PDE7B: variants seen among roughly 807,000 people sequenced by gnomAD.
PDE7B encodes the protein 3',5'-cyclic-AMP phosphodiesterase 7B.
In PDE7B, 29 loss-of-function variants were observed where a neutral mutation model predicts 56.2. The observed-to-expected ratio is 0.52, with a 90% CI of 0.38 to 0.70. The LOEUF (loss-of-function observed/expected upper bound fraction) is 0.70. Ranked by LOEUF, PDE7B falls within the 30% of genes least tolerant of loss-of-function variation. The probability of loss-of-function intolerance (pLI) is 0.00; values close to 1 mark genes in which losing one functional copy is unlikely to be tolerated. For synonymous variants in PDE7B, 197 were observed against 196.9 expected (o/e 1.00, Z 0.00); for missense variants, 490 against 565.0 (o/e 0.87, Z 1.35).
chr6:135,875,842 C>T (rs1775481204), intron 1 of PDE7B, among the ~76,000 whole-genome samples: 1 of 152,042 alleles, frequency 6.6e-6, no homozygotes, highest in African/African-American at 2.4e-5. Context: ...GCCATTTGGT[C>T]TCTATTGTTG....
chr6:135,889,595 C>T (rs1179665827), intron 1 of PDE7B, among the ~76,000 whole-genome samples: 2 of 150,804 alleles, frequency 1.3e-5, no homozygotes, highest in Admixed American at 6.6e-5. Context: ...CGCCCACCAC[C>T]AGGCCCAGCT....
chr6:136,076,797 G>A (rs1037752446), intron 2 of PDE7B, among the ~76,000 whole-genome samples: 1 of 152,066 alleles, frequency 6.6e-6, no homozygotes, highest in African/African-American at 2.4e-5. Flanking sequence ...GGGAACACCT[G>A]GGGAAGGAAT....
intron 2 of PDE7B, among the ~76,000 whole-genome samples, chr6:136,062,478 T>A (rs1776861157): frequency 6.6e-6 from 1 of 152,166 alleles, no homozygotes; most frequent in South Asian, 2.1e-4. Flanking sequence ...ACAGGTGACA[T>A]AATGCATTAT....
chr6:135,938,104 A>G (rs1774452142), intron 1 of PDE7B, among the ~76,000 whole-genome samples: 1 of 152,232 alleles, frequency 6.6e-6, no homozygotes, highest in Admixed American at 6.5e-5. Flanking sequence ...CTGTTGAGGA[A>G]TAGGTTTGGG....
chr6:136,133,007 C>T (rs1291719186), intron 3 of PDE7B, among the ~76,000 whole-genome samples: 3 of 152,012 alleles, frequency 2.0e-5, no homozygotes, highest in Non-Finnish European at 4.4e-5. Context: ...GATATTTACA[C>T]TTAAAGAGTT....
intron 1 of PDE7B, among the ~76,000 whole-genome samples, chr6:135,914,990 G>T (rs1776276027): frequency 6.6e-6 from 1 of 151,706 alleles, no homozygotes. Flanking sequence ...CTACTTGGGA[G>T]GCTAAAGCAG....
At chr6:135,942,593 C>T (rs1774524834) in intron 1 of PDE7B, among the ~76,000 whole-genome samples, 1 of 151,966 alleles carries the variant, frequency 6.6e-6, no homozygotes, top group African/African-American at 2.4e-5. Context: ...TGAACTTATC[C>T]CTCCTGTGTA....
rs1456959139 is a variant in PDE7B, at chr6:136,149,222, T to G, written c.382+72T>G. 5 of 1,056,296 alleles carry G rather than the reference T, an allele frequency of 4.7e-6. No homozygotes were observed. The East Asian group carries it at 7.2e-5, about 15-fold the overall frequency. 65.4% of individuals were successfully genotyped at this position (1,056,296 alleles called of 1,614,324 possible). A position where few individuals can be genotyped will look rare whatever the true frequency, so the allele number is the denominator to read the frequency against. ...GGATTAATTTCATGAAAAACAAAAT[T>G]TATTTTTAAACACTGCTATTCCTTT... On this transcript the variant is annotated intron_variant, in intron 5 of 12. Coordinates refer to ENST00000308191, the MANE Select transcript of PDE7B (RefSeq NM_018945.4).
intron 2 of PDE7B, among the ~76,000 whole-genome samples, chr6:136,036,843 G>T (rs1373270555): frequency 2.0e-5 from 3 of 152,188 alleles, no homozygotes; most frequent in Non-Finnish European, 4.4e-5. Flanking sequence ...AGAAAACAGG[G>T]GCTATTCACT....
At chr6:136,033,663 G>A (rs1245151512) in intron 2 of PDE7B, among the ~76,000 whole-genome samples, 1 of 152,152 alleles carries the variant, frequency 6.6e-6, no homozygotes, top group Non-Finnish European at 1.5e-5. Flanking sequence ...GTGCTGCCTT[G>A]TAGGGTCGGT....
intron 8 of PDE7B, among the ~76,000 whole-genome samples, chr6:136,171,922 A>C (rs1778890010): frequency 6.6e-6 from 1 of 151,802 alleles, no homozygotes; most frequent in African/African-American, 2.4e-5. Context: ...TTTACTGAGA[A>C]TGATGATTTC....
At chr6:136,109,923 A>G (rs1195364208) in intron 3 of PDE7B, among the ~76,000 whole-genome samples, 1 of 152,226 alleles carries the variant, frequency 6.6e-6, no homozygotes, top group Non-Finnish European at 1.5e-5. Flanking sequence ...TTATACCCAA[A>G]GAATATTACT....
At chr6:135,915,260 T>C (rs1488697986) in intron 1 of PDE7B, among the ~76,000 whole-genome samples, 1 of 152,220 alleles carries the variant, frequency 6.6e-6, no homozygotes, top group Admixed American at 6.5e-5. Flanking sequence ...CACGTAGGTC[T>C]TCGTGTGGAT....
At chr6:136,183,470 C>A (rs1164084044) in intron 11 of PDE7B, among the ~76,000 whole-genome samples, 1 of 151,402 alleles carries the variant, frequency 6.6e-6, no homozygotes, top group Non-Finnish European at 1.5e-5. Flanking sequence ...GTGGCGGGCA[C>A]CTGTAGTCCC....
At chr6:135,950,769 A>T (rs1371009129) in intron 2 of PDE7B, among the ~76,000 whole-genome samples, 1 of 152,150 alleles carries the variant, frequency 6.6e-6, no homozygotes, top group Non-Finnish European at 1.5e-5. Context: ...TCCATTGGCG[A>T]GTCCCCATAT....
At chr6:136,125,681 A>AC (rs1159188803) in intron 3 of PDE7B, among the ~76,000 whole-genome samples, 2 of 152,106 alleles carry the variant, frequency 1.3e-5, no homozygotes, top group Admixed American at 6.6e-5. Flanking sequence ...TATGGTAAAA[A>AC]CCCTACTAAA....
intron 1 of PDE7B, among the ~76,000 whole-genome samples, chr6:135,881,869 C>A (rs562659271): frequency 6.6e-6 from 1 of 152,004 alleles, no homozygotes; most frequent in Non-Finnish European, 1.5e-5. Flanking sequence ...ATTTGTTACA[C>A]ATTATTTAAA....
intron 3 of PDE7B, among the ~76,000 whole-genome samples, chr6:136,122,593 G>A (rs571862308): frequency 6.6e-6 from 1 of 152,274 alleles, no homozygotes; most frequent in African/African-American, 2.4e-5. Context: ...GGAAAGCCCA[G>A]GATCTCAATC....
chr6:136,003,617 T>C (rs766940619), intron 2 of PDE7B, among the ~76,000 whole-genome samples: 12 of 152,214 alleles, frequency 7.9e-5, no homozygotes, highest in Non-Finnish European at 1.6e-4. Context: ...ATGGATAAAT[T>C]CCTGGACACA....
Sources: allele counts gnomAD v4.1 joint callset (sites outside exome capture counted in the v4.1 genomes callset), GRCh38; gene constraint gnomAD v4.1.1; transcripts MANE v1.5; gene names NCBI Gene and HGNC (gene_info 2026-07-23, HGNC 2026-07-21).